Variants in CALN1 observed in about 807,000 individuals in gnomAD.
The protein encoded by CALN1 is calcium-binding protein 8.
CALN1 carries 17 observed loss-of-function variants against 30.6 expected under a neutral mutation model. The observed-to-expected ratio is 0.56, with a 90% confidence interval of 0.38 to 0.83. The LOEUF (loss-of-function observed/expected upper bound fraction) is 0.83. Ranked by LOEUF, CALN1 falls within the 40% of genes least tolerant of loss-of-function variation. CALN1 has a pLI of 0.00. For synonymous variants in CALN1, 156 were observed against 131.4 expected, an observed-to-expected ratio of 1.19 and a Z score of -1.28; for missense variants, 291 against 354.9, an observed-to-expected ratio of 0.82 and a Z score of 1.45.
intron 5 of CALN1, among the ~76,000 whole-genome samples, chr7:71,916,320 T>A (rs1794686346): frequency 6.6e-6 from 1 of 151,898 alleles, no homozygotes; most frequent in Non-Finnish European, 1.5e-5. Flanking sequence ...TCAGAGAAGA[T>A]GGTGAATCAA....
chr7:72,476,687 T>C, the CALN1 span, among the ~76,000 whole-genome samples: 1 of 152,216 alleles, frequency 6.6e-6, no homozygotes, highest in Non-Finnish European at 1.5e-5. Flanking sequence ...CATTCAGGGA[T>C]GCTTTTCCAG....
intron 4 of CALN1, among the ~76,000 whole-genome samples, chr7:72,028,341 C>T (rs916238077): frequency 6.6e-6 from 1 of 152,134 alleles, no homozygotes; most frequent in Admixed American, 6.5e-5. Flanking sequence ...TTCACAGGTC[C>T]ACATGGAGCT....
chr7:72,101,813 T>C (rs920863755), intron 4 of CALN1, among the ~76,000 whole-genome samples: 1 of 152,146 alleles, frequency 6.6e-6, no homozygotes, highest in Non-Finnish European at 1.5e-5. Flanking sequence ...GTATATCTAA[T>C]GCTCAACCTG....
upstream of CALN1, among the ~76,000 whole-genome samples, chr7:72,416,234 A>AT: frequency 6.6e-6 from 1 of 152,266 alleles, no homozygotes; most frequent in East Asian, 1.9e-4. Flanking sequence ...TCTTCTAACA[A>AT]TTTCTGAATA....
intron 5 of CALN1, among the ~76,000 whole-genome samples, chr7:72,017,835 G>A (rs550022398): frequency 5.2e-4 from 79 of 152,140 alleles, no homozygotes; most frequent in African/African-American, 1.8e-3. Context: ...AGATGTTTTC[G>A]GCGTCACTCT....
chr7:72,334,914 A>G (rs1303640099), intron 2 of CALN1, among the ~76,000 whole-genome samples: 1 of 152,174 alleles, frequency 6.6e-6, no homozygotes, highest in Non-Finnish European at 1.5e-5. Flanking sequence ...GAGCCATTCC[A>G]CTGGTCTTCC....
At position 72,044,599 on chromosome 7, in the gene CALN1, C is replaced by CTTTTTTTTTTTT. The variant is rs549079139; in HGVS notation, c.389-20842_389-20831dup. Among the ~76,000 whole-genome samples the CTTTTTTTTTTTT allele has an allele frequency of 2.7e-4, 26 of 96,678 alleles. 1 individual carries two copies. The highest frequency in any genetic ancestry group is 1.1e-3 in the African/African-American group (26 of 24,456). 63.4% of individuals were successfully genotyped at this position (96,678 alleles called of 152,430 possible). A position where few individuals can be genotyped will look rare whatever the true frequency, so the allele number is the denominator to read the frequency against. ...TTCAGAGAATAATTTCCGCTTAAAACTTTTTTTTTTTTTTTTTTTTTTTTT... is the reference window on the plus strand; with the variant it reads ...TTCAGAGAATAATTTCCGCTTAAAACTTTTTTTTTTTTTTTTTTTTTTTTTTTTTTTTTTTTT... On this transcript the variant is annotated intron_variant, in intron 4 of 6. Coordinates refer to ENST00000395275, the MANE Select transcript of CALN1 (RefSeq NM_031468.4).
chr7:72,435,512 G>C (rs1808126850), intron 1 of CALN1, among the ~76,000 whole-genome samples: 3 of 152,344 alleles, frequency 2.0e-5, no homozygotes, highest in African/African-American at 4.8e-5. Flanking sequence ...GAAGTGGACA[G>C]ATGGGTTTCC....
chr7:72,236,933 C>G (rs922688374), intron 3 of CALN1, among the ~76,000 whole-genome samples: 3 of 151,792 alleles, frequency 2.0e-5, no homozygotes, highest in Admixed American at 2.0e-4. Flanking sequence ...GTTGAAGGAG[C>G]CTGCAGTGGG....
chr7:71,880,811 A>C (rs1326369572), intron 5 of CALN1, among the ~76,000 whole-genome samples: 1 of 152,204 alleles, frequency 6.6e-6, no homozygotes, highest in Non-Finnish European at 1.5e-5. Context: ...GCTATTTGTC[A>C]GGAGTTATCT....
intron 1 of CALN1, among the ~76,000 whole-genome samples, chr7:72,408,294 A>C (rs1306105328): frequency 1.4e-5 from 2 of 144,886 alleles, no homozygotes; most frequent in Non-Finnish European, 3.0e-5. Flanking sequence ...AAAAAAAATT[A>C]GTAGTGCGTG....
intron 2 of CALN1, among the ~76,000 whole-genome samples, chr7:72,356,128 A>C (rs1803208728): frequency 6.6e-6 from 1 of 152,170 alleles, no homozygotes; most frequent in Non-Finnish European, 1.5e-5. Context: ...TTCATTTAAA[A>C]TGATAATTTA....
At chr7:72,473,119 G>GT in the CALN1 span, among the ~76,000 whole-genome samples, 6,276 of 143,230 alleles carry the variant, frequency 0.044, 385 homozygotes, top group African/African-American at 0.14. Flanking sequence ...TGTTCTTTTT[G>GT]TTTTTTTTTT....
intron 4 of CALN1, among the ~76,000 whole-genome samples, chr7:72,090,937 G>A (rs1180424862): frequency 6.6e-6 from 1 of 152,172 alleles, no homozygotes; most frequent in African/African-American, 2.4e-5. Flanking sequence ...GGTAGTGGGT[G>A]TGGGGTAAGA....
intron 5 of CALN1, among the ~76,000 whole-genome samples, chr7:71,874,500 A>G (rs548744461): frequency 6.6e-6 from 1 of 152,104 alleles, no homozygotes; most frequent in African/African-American, 2.4e-5. Flanking sequence ...TTCATTCTCT[A>G]GTTTGGGTTC....
intron 4 of CALN1, among the ~76,000 whole-genome samples, chr7:72,031,734 A>ATTTTTTTTTTTTTTTTTTTTTTTTTTTT: frequency 8.7e-6 from 1 of 114,684 alleles, no homozygotes; most frequent in African/African-American, 3.4e-5. Flanking sequence ...CGCCTGGCTA[A>ATTTTTTTTTTTTTTTTTTTTTTTTTTTT]TTTTTTTTTT....
chr7:71,859,357 T>G (rs1338382252), intron 5 of CALN1, among the ~76,000 whole-genome samples: 1 of 152,140 alleles, frequency 6.6e-6, no homozygotes, highest in African/African-American at 2.4e-5. Flanking sequence ...TGGGCATCAT[T>G]TTTTATTTGT....
intron 4 of CALN1, among the ~76,000 whole-genome samples, chr7:72,069,785 CT>C (rs1337969152): frequency 3.3e-5 from 5 of 152,170 alleles, no homozygotes; most frequent in Non-Finnish European, 5.9e-5. Flanking sequence ...TACCATACCC[CT>C]ACCCAATCTC....
Position 72,278,692 on chromosome 7 carries a change from G to C in CALN1, c.238C>G (p.Leu80Val), listed in dbSNP as rs1293175501. 6.2e-7 allele frequency: 1 copy of C among 1,612,486 alleles called. No individual in the cohort carries two copies. Among genetic ancestry groups the C allele is most frequent in the East Asian group, 2.2e-5 (1 of 44,846 alleles). The change falls in exon 3 of 7, where the codon CTC (leucine) becomes GTC (valine). Residue 80 changes from leucine to valine, a missense_variant. Leu to Val is a conservative substitution (Grantham distance 32). Coordinates refer to ENST00000395275, the MANE Select transcript of CALN1 (RefSeq NM_031468.4). Reference sequence around the variant, plus strand: ...AACAGGGTAGGCTCCTTACCATCGAGCTCCTCCACGGAGATATTAGCCAGC... The same window carrying C: ...AACAGGGTAGGCTCCTTACCATCGACCTCCTCCACGGAGATATTAGCCAGC... ...EQLANISVEE[L>V]DEIREAFRVL... is the part of the protein sequence containing the mutation.
Sources: allele counts gnomAD v4.1 joint callset (sites outside exome capture counted in the v4.1 genomes callset), GRCh38; gene constraint gnomAD v4.1.1; transcripts MANE v1.5; gene names NCBI Gene and HGNC (gene_info 2026-07-23, HGNC 2026-07-21).